SPACA1: variants seen among roughly 807,000 people sequenced by gnomAD.
SPACA1 encodes the protein sperm acrosome associated 1.
In SPACA1, 17 loss-of-function variants were observed where a neutral mutation model predicts 32.6. That is an observed-to-expected ratio of 0.52 (90% CI 0.36 to 0.78). SPACA1 has a LOEUF of 0.78. Among genes scored for constraint, SPACA1 ranks in the 30% least tolerant of loss-of-function variants. The probability of loss-of-function intolerance (pLI) is 0.01; values close to 1 mark genes in which losing one functional copy is unlikely to be tolerated. For synonymous variants in SPACA1, 140 were observed against 138.1 expected (o/e 1.01, Z -0.10); for missense variants, 363 against 373.4 (o/e 0.97, Z 0.23).
At chr6:88,055,000 G>A (rs1775785235) in intron 2 of SPACA1, among the ~76,000 whole-genome samples, 1 of 151,502 alleles carries the variant, frequency 6.6e-6, no homozygotes, top group Non-Finnish European at 1.5e-5. Flanking sequence ...CCAGCTCCTG[G>A]CAACCACTCT....
intron 6 of SPACA1, among the ~76,000 whole-genome samples, chr6:88,065,620 A>G (rs1201998645): frequency 6.6e-6 from 1 of 151,034 alleles, no homozygotes; most frequent in Non-Finnish European, 1.5e-5. Context: ...ATTGTAGGAA[A>G]TCCACTGAGG....
rs983638044 is a variant in SPACA1, at chr6:88,052,936, A to G, written c.209-1010A>G. On this transcript the variant is annotated intron_variant, in intron 1 of 6. Transcript: ENST00000237201. ...TTTACAGTTATCAAAATAGGGGAAA[A>G]AAACATTAAATTAATAAGTACAAAA... 3.3e-5 allele frequency among the ~76,000 whole-genome samples: 5 copies of G among 152,264 alleles called. No homozygotes were observed. In the East Asian group the frequency reaches 9.6e-4, roughly 29 times the overall value.
At chr6:88,048,551 A>G (rs938945219) in intron 1 of SPACA1, among the ~76,000 whole-genome samples, 2 of 152,006 alleles carry the variant, frequency 1.3e-5, no homozygotes, top group African/African-American at 2.4e-5. Context: ...CTTTACGACG[A>G]TACACCCAGA....
At chr6:88,057,317 G>A (rs1184309765) in intron 2 of SPACA1, among the ~76,000 whole-genome samples, 3 of 152,062 alleles carry the variant, frequency 2.0e-5, no homozygotes, top group Admixed American at 6.5e-5. Flanking sequence ...GTAGTAAAGC[G>A]GTCCCTTTAA....
At chr6:88,048,220 C>G in intron 1 of SPACA1, 107 bp downstream of exon 1, 1 of 1,180,924 alleles carries the variant, frequency 8.5e-7, no homozygotes. Context: ...GTCAGGAGAG[C>G]TCTCTCTCAT....
At chr6:88,065,107 C>T (rs938273165) in intron 6 of SPACA1, among the ~76,000 whole-genome samples, 14 of 148,408 alleles carry the variant, frequency 9.4e-5, no homozygotes, top group Non-Finnish European at 1.6e-4. Flanking sequence ...TTATAAATAT[C>T]ATCATATATA....
Position 88,048,038 on chromosome 6 carries a change from G to A in SPACA1, c.133G>A (p.Gly45Ser). The A allele has an allele frequency of 6.2e-7, 1 of 1,602,342 alleles. No individual in the cohort carries two copies. Among genetic ancestry groups the A allele is most frequent in the Non-Finnish European group, 8.5e-7 (1 of 1,176,090 alleles). ...AVQDAGLAHE[G>S]EGEEETENND... The stretch of plus-strand genomic sequence containing the variant: ...CCAGGATGCCGGCCTGGCCCACGAA[G>A]GCGAGGGCGAGGAGGAGACCGAAAA... The change falls in exon 1 of 7, where the codon GGC (glycine) becomes AGC (serine). Residue 45 changes from glycine to serine, a missense_variant. Coordinates refer to ENST00000237201, the MANE Select transcript of SPACA1 (RefSeq NM_030960.3).
intron 3 of SPACA1, 121 bp downstream of exon 3, chr6:88,057,834 C>A (rs1000297305): frequency 1.0e-5 from 7 of 700,248 alleles, no homozygotes; most frequent in African/African-American, 1.8e-5. Context: ...CAAAGGAAAT[C>A]ATAAAATTTT....
rs759020234 is a variant in SPACA1 at position 88,066,184 on chromosome 6, C to T, written c.734C>T (p.Ala245Val). Residue 245 changes from alanine (A) to valine (V), a missense_variant and splice_region_variant, in exon 7 of 7, where the codon GCA (alanine) becomes GTA (valine). Coordinates refer to ENST00000237201, the MANE Select transcript of SPACA1 (RefSeq NM_030960.3). ...FLLIFIIINWAAVKAFWGAKA... is the reference protein window; with the variant it reads ...FLLIFIIINWVAVKAFWGAKA... ...TTGGTTTTTGTTTTTTCTTCCAGGG[C>T]AGCAGTCAAGGCTTTCTGGGGGGCA... 1 of 1,565,268 alleles carries T rather than the reference C, an allele frequency of 6.4e-7. No homozygotes were observed. Among genetic ancestry groups the T allele is most frequent in the Admixed American group, 1.9e-5 (1 of 52,866 alleles).
chr6:88,055,941 G>C (rs1040086133), intron 2 of SPACA1, among the ~76,000 whole-genome samples: 32 of 152,054 alleles, frequency 2.1e-4, no homozygotes, highest in African/African-American at 7.0e-4. Context: ...CTGCACTCCA[G>C]CCTGGCGACA....
intron 2 of SPACA1, among the ~76,000 whole-genome samples, chr6:88,056,085 G>A (rs1775802650): frequency 1.3e-5 from 2 of 152,190 alleles, no homozygotes; most frequent in Admixed American, 6.5e-5. Flanking sequence ...GTTGGCCGTG[G>A]TGGCTCATGC....
In SPACA1 at chr6:88,059,410, A is replaced by T. The variant is rs762371349; in HGVS notation, c.475-43A>T. 5 of 1,514,010 alleles carry T rather than the reference A, an allele frequency of 3.3e-6. No individual in the cohort carries two copies. The South Asian group carries it at 3.7e-5, about 11-fold the overall frequency. The allele number at this position is 1,514,010 out of a possible 1,614,324, so 93.8% of individuals were successfully genotyped here. On this transcript the variant is annotated intron_variant, in intron 4 of 6. Coordinates refer to ENST00000237201, the MANE Select transcript of SPACA1 (RefSeq NM_030960.3). ...ATAAATTGTTTCCTGGTAAGTGTAC[A>T]TGAAAAATGTTGATACTTTGTTATT...
chr6:88,048,064 C>A lies in SPACA1; in HGVS notation c.159C>A (p.Asn53Lys). The A allele has an allele frequency of 6.2e-7, 1 of 1,603,806 alleles. No individual in the cohort carries two copies. ...GCGAGGGCGAGGAGGAGACCGAAAA[C>A]AACGACAGCGAGACCGCGGAGAACT... ...HEGEGEEETENNDSETAENYA... is the reference protein window; with the variant it reads ...HEGEGEEETEKNDSETAENYA... The change falls in exon 1 of 7, where the codon AAC becomes AAA. Residue 53 changes from asparagine (N) to lysine (K), a missense_variant. Coordinates refer to ENST00000237201, the MANE Select transcript of SPACA1 (RefSeq NM_030960.3).
At chr6:88,060,560 A>G (rs1775877340) in intron 5 of SPACA1, among the ~76,000 whole-genome samples, 1 of 152,244 alleles carries the variant, frequency 6.6e-6, no homozygotes, top group Non-Finnish European at 1.5e-5. Context: ...ATAAACTACT[A>G]TTTAAACTTC....
chr6:88,058,143 C>A (rs541773039), intron 3 of SPACA1, among the ~76,000 whole-genome samples: 1 of 152,136 alleles, frequency 6.6e-6, no homozygotes, highest in Non-Finnish European at 1.5e-5. Flanking sequence ...ACATTGGAAG[C>A]CACTAATAGA....
At chr6:88,055,625 A>G (rs1775795132) in intron 2 of SPACA1, among the ~76,000 whole-genome samples, 1 of 152,220 alleles carries the variant, frequency 6.6e-6, no homozygotes, top group South Asian at 2.1e-4. Context: ...AAAATCCCAC[A>G]CCTACATGCA....
chr6:88,047,973 G>A lies in SPACA1; in HGVS notation c.68G>A (p.Gly23Asp). The change falls in exon 1 of 7, where the codon GGC becomes GAC. Residue 23 changes from glycine (G) to aspartate (D), a missense_variant. By Grantham distance (94) the Gly-to-Asp change is moderately conservative (BLOSUM62 -1). Coordinates refer to ENST00000237201, the MANE Select transcript of SPACA1 (RefSeq NM_030960.3). ...ACTGTCGGCTGGCTGCTTCTGGCGGGCCTCCAGTCCGCGCGCGGGACCAAC... is the reference window on the plus strand; with the variant it reads ...ACTGTCGGCTGGCTGCTTCTGGCGGACCTCCAGTCCGCGCGCGGGACCAAC... Reference protein sequence around the residue: ...LMTVGWLLLAGLQSARGTNVT... With the variant: ...LMTVGWLLLADLQSARGTNVT... 6.4e-7 allele frequency: 1 copy of A among 1,566,698 alleles called. No individual in the cohort carries two copies. Among genetic ancestry groups the A allele is most frequent in the Non-Finnish European group, 8.6e-7 (1 of 1,157,484 alleles).
intron 5 of SPACA1, among the ~76,000 whole-genome samples, chr6:88,062,057 C>T (rs1775905871): frequency 6.6e-6 from 1 of 151,988 alleles, no homozygotes. Flanking sequence ...TCCAAAATGC[C>T]ACCACTTGTG....
Position 88,059,385 on chromosome 6 carries a change from A to G in SPACA1, c.475-68A>G, listed in dbSNP as rs1775856990. 1.5e-5 allele frequency: 21 copies of G among 1,366,366 alleles called. No homozygotes were observed. The South Asian group carries it at 2.5e-4, about 16-fold the overall frequency. The allele number at this position is 1,366,366 out of a possible 1,614,324, so 84.6% of individuals were successfully genotyped here. The stretch of plus-strand genomic sequence containing the variant: ...AGTAACCCTCCTTTCCTTAAGGGAA[A>G]TAAATTGTTTCCTGGTAAGTGTACA... On this transcript the variant is annotated intron_variant, in intron 4 of 6. Transcript: ENST00000237201.
Sources: allele counts gnomAD v4.1 joint callset (sites outside exome capture counted in the v4.1 genomes callset), GRCh38; gene constraint gnomAD v4.1.1; transcripts MANE v1.5; gene names NCBI Gene and HGNC (gene_info 2026-07-23, HGNC 2026-07-21).